TBC1D2B: variants seen among roughly 807,000 people sequenced by gnomAD.
TBC1D2B encodes TBC1 domain family, member 2B.
In TBC1D2B, 64 loss-of-function variants were observed where a neutral mutation model predicts 100.8. The observed-to-expected ratio is 0.64, with a 90% CI of 0.52 to 0.78. The LOEUF is 0.78. Ranked by LOEUF, TBC1D2B falls within the 30% of genes least tolerant of loss-of-function variation. The probability of loss-of-function intolerance (pLI) is 0.00; values close to 1 mark genes in which losing one functional copy is unlikely to be tolerated. For missense variants in TBC1D2B, 1,052 were observed against 1,218.4 expected (o/e 0.86, Z 2.03); for synonymous variants, 480 against 479.7 (o/e 1.00, Z -0.01).
At chr15:78,014,882 C>T (rs968336137) in intron 8 of TBC1D2B, among the ~76,000 whole-genome samples, 4 of 152,260 alleles carry the variant, frequency 2.6e-5, no homozygotes, top group African/African-American at 4.8e-5. Context: ...GGTGGAATGA[C>T]GTGACGTCTG....
chr15:78,008,428 A>G lies in TBC1D2B; in HGVS notation c.2388+569T>C, dbSNP rs564599191. Among the ~76,000 whole-genome samples, 7 of 152,344 alleles carry G rather than the reference A, an allele frequency of 4.6e-5. No individual in the cohort carries two copies. In the East Asian group the frequency reaches 1.2e-3, roughly 25 times the overall value. ...AGGAATGCAGCCCATCTGTGGAGGCAGGTGCCTTGGTCACTGCCCTTGGCT... is the reference window on the plus strand; with the variant it reads ...AGGAATGCAGCCCATCTGTGGAGGCGGGTGCCTTGGTCACTGCCCTTGGCT... On this transcript the variant is annotated intron_variant, in intron 10 of 12. Coordinates refer to ENST00000300584, the MANE Select transcript of TBC1D2B (RefSeq NM_144572.2).
chr15:78,014,278 T>A (rs1159637424), intron 8 of TBC1D2B, among the ~76,000 whole-genome samples: 1 of 152,236 alleles, frequency 6.6e-6, no homozygotes, highest in Non-Finnish European at 1.5e-5. Context: ...TAAGCCACTA[T>A]GTTTATGATA....
chr15:78,040,884 G>GAA (rs1307551330), intron 3 of TBC1D2B, among the ~76,000 whole-genome samples: 113 of 90,322 alleles, frequency 1.3e-3, no homozygotes, highest in Middle Eastern at 0.011. Context: ...GAAAGAAAGA[G>GAA]AGAGAGAGAG....
At position 78,030,183 on chromosome 15, in the gene TBC1D2B, A is replaced by C; in HGVS notation, c.684-13T>G. ...AGACATCGAATTCCTGTTGGGAAAA[A>C]CAATATGTGTTATTAACAAAAACAA... On this transcript the variant is annotated splice_polypyrimidine_tract_variant and intron_variant, in intron 3 of 12. Transcript: ENST00000300584. 6.2e-7 allele frequency: 1 copy of C among 1,604,560 alleles called. No individual in the cohort carries two copies. The highest frequency in any genetic ancestry group is 8.5e-7 in the Non-Finnish European group (1 of 1,175,648).
intron 1 of TBC1D2B, among the ~76,000 whole-genome samples, chr15:78,057,595 G>A (rs1303020016): frequency 2.6e-5 from 4 of 152,158 alleles, no homozygotes; most frequent in South Asian, 2.1e-4. Flanking sequence ...GCAGTGAGCC[G>A]ACACGGTGCC....
chr15:78,060,114 G>T (rs917481005), intron 1 of TBC1D2B, among the ~76,000 whole-genome samples: 1 of 152,140 alleles, frequency 6.6e-6, no homozygotes, highest in African/African-American at 2.4e-5. Context: ...AGAGGAAAAA[G>T]GGACAACACC....
intron 3 of TBC1D2B, among the ~76,000 whole-genome samples, chr15:78,040,880 A>AAG (rs374888157): frequency 2.7e-5 from 4 of 147,856 alleles, no homozygotes; most frequent in African/African-American, 7.6e-5. Context: ...GAAAGAAAGA[A>AAG]AGAGAGAGAG....
chr15:78,077,283 G>A lies in TBC1D2B; in HGVS notation c.360+10C>T, dbSNP rs574640958. ...AAGCGCGCGGGCGGCTTTGGGGCGA[G>A]CGGTCCCACCTTGAGCACCGTGACG... On this transcript the variant is annotated intron_variant, in intron 1 of 12. Coordinates refer to ENST00000300584, the MANE Select transcript of TBC1D2B (RefSeq NM_144572.2). 78 of 1,459,878 alleles carry A rather than the reference G, an allele frequency of 5.3e-5. 1 individual carries two copies. The East Asian group carries it at 1.5e-3, about 29-fold the overall frequency. 90.4% of individuals were successfully genotyped at this position (1,459,878 alleles called of 1,614,324 possible).
intron 3 of TBC1D2B, among the ~76,000 whole-genome samples, chr15:78,042,987 A>G (rs951440556): frequency 6.6e-6 from 1 of 152,146 alleles, no homozygotes; most frequent in South Asian, 2.1e-4. Context: ...ATGAGGAAGG[A>G]AGGCAGGGCC....
chr15:78,053,271 G>T (rs145892728), intron 2 of TBC1D2B, among the ~76,000 whole-genome samples: 1 of 152,194 alleles, frequency 6.6e-6, no homozygotes, highest in Non-Finnish European at 1.5e-5. Flanking sequence ...CCTTACTGTT[G>T]TCTACTCCTT....
intron 3 of TBC1D2B, among the ~76,000 whole-genome samples, chr15:78,040,796 GGAAA>G (rs1183242012): frequency 3.7e-4 from 36 of 98,370 alleles, no homozygotes; most frequent in East Asian, 1.3e-3. Context: ...AAGGAAGGAA[GGAAA>G]GAAAGAAAGA....
At chr15:78,025,573 C>G in intron 4 of TBC1D2B, 76 bp from the exon 5 acceptor site, 3 of 1,175,304 alleles carry the variant, frequency 2.6e-6, no homozygotes, top group Middle Eastern at 3.0e-4. Context: ...GTCGCCCAGG[C>G]TGGAGTGCAG....
chr15:78,005,881 A>G (rs2072053481), intron 10 of TBC1D2B, among the ~76,000 whole-genome samples: 1 of 152,246 alleles, frequency 6.6e-6, no homozygotes, highest in South Asian at 2.1e-4. Context: ...AATGTGATGC[A>G]AATTTTATCT....
chr15:78,063,162 C>A (rs2073584050), intron 1 of TBC1D2B, among the ~76,000 whole-genome samples: 1 of 152,164 alleles, frequency 6.6e-6, no homozygotes, highest in African/African-American at 2.4e-5. Flanking sequence ...GTATTTGGCA[C>A]AAAGTACTCG....
intron 3 of TBC1D2B, among the ~76,000 whole-genome samples, chr15:78,039,013 A>G (rs2073013145): frequency 6.6e-6 from 1 of 152,206 alleles, no homozygotes; most frequent in Non-Finnish European, 1.5e-5. Context: ...AGAAACACAC[A>G]CACACCCCAG....
chr15:78,013,147 A>ATCT lies in TBC1D2B; in HGVS notation c.1943_1945dup (p.Glu648_Met649insLys). 1.2e-6 allele frequency: 2 copies of ATCT among 1,613,892 alleles called. No individual in the cohort carries two copies. The highest frequency in any genetic ancestry group is 1.7e-6 in the Non-Finnish European group (2 of 1,179,866). On this transcript the variant is annotated inframe_insertion, in exon 9 of 13. Transcript: ENST00000300584. Reference sequence around the variant, plus strand: ...GTTTTTTAACTCTGGAGAGCACATCATCTCCCTGTTCACTGTACTTGCAAA... The same window carrying ATCT: ...GTTTTTTAACTCTGGAGAGCACATCATCTTCTCCCTGTTCACTGTACTTGCAAA...
intron 1 of TBC1D2B, among the ~76,000 whole-genome samples, chr15:78,056,110 A>G (rs2073416591): frequency 6.6e-6 from 1 of 152,264 alleles, no homozygotes; most frequent in Admixed American, 6.5e-5. Context: ...TGTCAGGCAC[A>G]TAGTAGGTCA....
intron 6 of TBC1D2B, 124 bp downstream of exon 6, chr15:78,024,029 TGTG>T: frequency 8.1e-7 from 1 of 1,229,650 alleles, no homozygotes; most frequent in African/African-American, 1.5e-5. Context: ...CTGTTACACT[TGTG>T]GGGAAAAAAA....
chr15:78,035,996 C>T (rs981960376), intron 3 of TBC1D2B, among the ~76,000 whole-genome samples: 2 of 152,196 alleles, frequency 1.3e-5, no homozygotes, highest in African/African-American at 4.8e-5. Flanking sequence ...AGCTTTGGTG[C>T]AAGTGGGCCT....
Sources: allele counts gnomAD v4.1 joint callset (sites outside exome capture counted in the v4.1 genomes callset), GRCh38; gene constraint gnomAD v4.1.1; transcripts MANE v1.5; gene names NCBI Gene and HGNC (gene_info 2026-07-23, HGNC 2026-07-21).